Variants in PTPRN2 observed in about 807,000 individuals in gnomAD.
PTPRN2 encodes receptor-type tyrosine-protein phosphatase N2.
PTPRN2 carries 74 observed loss-of-function variants against 118.8 expected under a neutral mutation model. The observed-to-expected ratio is 0.62, with a 90% confidence interval of 0.52 to 0.76. The LOEUF (loss-of-function observed/expected upper bound fraction) is 0.76, where lower values mean the gene tolerates loss of function less well. PTPRN2 is among the 30% of genes least tolerant of loss of function. The pLI is 0.00. For missense variants in PTPRN2, 1,481 were observed against 1,394.4 expected, an observed-to-expected ratio of 1.06 and a Z score of -0.99; for synonymous variants, 641 against 608.0, an observed-to-expected ratio of 1.05 and a Z score of -0.80.
intron 1 of PTPRN2, among the ~76,000 whole-genome samples, chr7:158,558,019 CTG>C (rs1827157532): frequency 6.6e-6 from 1 of 152,210 alleles, no homozygotes; most frequent in East Asian, 1.9e-4. Context: ...GGGTCTCACT[CTG>C]TTGCCCAGGC....
At chr7:157,709,668 G>C (rs1317921673) in intron 12 of PTPRN2, among the ~76,000 whole-genome samples, 1 of 152,242 alleles carries the variant, frequency 6.6e-6, no homozygotes, top group Non-Finnish European at 1.5e-5. Flanking sequence ...AAGGAGCTTA[G>C]GGTTTAACAC....
At chr7:157,854,518 T>C in intron 12 of PTPRN2, 1 of 152,474 alleles carries the variant, frequency 6.6e-6, no homozygotes. Flanking sequence ...AATCCGGCTC[T>C]GTGCCTATGA....
At chr7:158,263,334 G>A (rs1563056443) in intron 3 of PTPRN2, among the ~76,000 whole-genome samples, 1 of 151,742 alleles carries the variant, frequency 6.6e-6, no homozygotes, top group African/African-American at 2.4e-5. Context: ...TGTACCTACT[G>A]CACATGTACA....
chr7:157,776,439 T>TCTTCCTCCCTCTCCTCCTCTCTCTCCA (rs1803265252), intron 12 of PTPRN2, among the ~76,000 whole-genome samples: 1 of 7,052 alleles, frequency 1.4e-4, no homozygotes, highest in Non-Finnish European at 3.7e-4. Flanking sequence ...CTGTCTCTCC[T>TCTTCCTCCCTCTCCTCCTCTCTCTCCA]CTTCCTCACT....
chr7:157,861,142 G>A lies in PTPRN2; in HGVS notation c.1788+37531C>T, dbSNP rs1027589706. On this transcript the variant is annotated intron_variant, in intron 12 of 22. Coordinates refer to ENST00000389418, the MANE Select transcript of PTPRN2 (RefSeq NM_002847.5). This position sits in a 1 kb window ranked among gnomAD's most constrained non-coding sequence, Gnocchi z 5.8. ...CGCTTTGGGATGTCGGCAGAGGCAC[G>A]CATGCCTCCAGGGATGTGCCAGCTC... Among the ~76,000 whole-genome samples the A allele has an allele frequency of 1.3e-5, 2 of 152,230 alleles. No homozygotes were observed. The highest frequency in any genetic ancestry group is 1.9e-4 in the East Asian group (1 of 5,186).
chr7:158,511,075 G>A (rs996053416), intron 1 of PTPRN2, among the ~76,000 whole-genome samples: 5 of 152,194 alleles, frequency 3.3e-5, no homozygotes, highest in African/African-American at 4.8e-5. Context: ...GAAAACAGTT[G>A]GTCAGGAGTT....
chr7:158,448,265 C>T, intron 2 of PTPRN2, among the ~76,000 whole-genome samples: 1 of 152,298 alleles, frequency 6.6e-6, no homozygotes, highest in East Asian at 1.9e-4. Flanking sequence ...GGATATAAAT[C>T]AGAACGGTAA....
At chr7:158,094,613 T>TG (rs1373297914) in intron 10 of PTPRN2, among the ~76,000 whole-genome samples, 1 of 152,216 alleles carries the variant, frequency 6.6e-6, no homozygotes, top group African/African-American at 2.4e-5. Flanking sequence ...GGCCCCCATC[T>TG]GTGCTTTCTA....
chr7:157,763,375 A>G lies in PTPRN2; in HGVS notation c.1789-80438T>C, dbSNP rs1196058435. ...CTCCAGCTCTCCAGAGGCCCAAGAC[A>G]GCCTGCCCCAGTCACTGTGGCCATG... On this transcript the variant is annotated intron_variant, in intron 12 of 22. Coordinates refer to ENST00000389418, the MANE Select transcript of PTPRN2 (RefSeq NM_002847.5). This position sits in a 1 kb window ranked among gnomAD's most constrained non-coding sequence, Gnocchi z 4.9. 6.6e-6 allele frequency among the ~76,000 whole-genome samples: 1 copy of G among 152,200 alleles called. No individual in the cohort carries two copies. Among genetic ancestry groups the G allele is most frequent in the East Asian group, 1.9e-4 (1 of 5,184 alleles).
intron 3 of PTPRN2, among the ~76,000 whole-genome samples, chr7:158,250,477 G>A (rs1273598861): frequency 6.6e-6 from 1 of 151,972 alleles, no homozygotes; most frequent in African/African-American, 2.4e-5. Context: ...CTCTCCATCT[G>A]CTCTTAACCC....
At chr7:158,488,528 T>C (rs10228592) in intron 2 of PTPRN2, among the ~76,000 whole-genome samples, 29,169 of 152,112 alleles carry the variant, frequency 0.19, 3,298 homozygotes, top group East Asian at 0.41. Flanking sequence ...TGGTCCCACC[T>C]CAGGGCGCAC....
At chr7:158,313,137 C>T (rs895824178) in intron 3 of PTPRN2, among the ~76,000 whole-genome samples, 3 of 152,116 alleles carry the variant, frequency 2.0e-5, no homozygotes, top group East Asian at 1.9e-4. Flanking sequence ...TGTGTCTACA[C>T]GTGAGCATGT....
Position 157,987,279 on chromosome 7 carries a change from C to T in PTPRN2, c.1724-88542G>A, listed in dbSNP as rs572662958. On this transcript the variant is annotated intron_variant, in intron 11 of 22. Transcript: ENST00000389418. The surrounding 1 kb of genome is among the most constrained non-coding windows in gnomAD (Gnocchi z 4.3). ...TGTGTGGAGCTTACTGGAACCTAAACGGGGGCAAGATGACCGGTCACTAAA... is the reference window on the plus strand; with the variant it reads ...TGTGTGGAGCTTACTGGAACCTAAATGGGGGCAAGATGACCGGTCACTAAA... 4.8e-4 allele frequency among the ~76,000 whole-genome samples: 71 copies of T among 149,124 alleles called. No homozygotes were observed. The highest frequency in any genetic ancestry group is 3.6e-3 in the Middle Eastern group (1 of 280).
At chr7:157,758,114 C>T (rs775460461) in intron 12 of PTPRN2, among the ~76,000 whole-genome samples, 7 of 152,332 alleles carry the variant, frequency 4.6e-5, no homozygotes, top group Middle Eastern at 6.8e-3. Flanking sequence ...GCGGGAGATG[C>T]GGTCGCGGGA....
chr7:157,696,936 T>A (rs76056943), intron 12 of PTPRN2, among the ~76,000 whole-genome samples: 2 of 42,588 alleles, frequency 4.7e-5, no homozygotes, highest in Admixed American at 2.4e-4. Flanking sequence ...CACCGTCTAC[T>A]CATGCATACT....
chr7:158,058,381 C>T (rs1301341008), intron 11 of PTPRN2, among the ~76,000 whole-genome samples: 4 of 143,444 alleles, frequency 2.8e-5, no homozygotes, highest in Non-Finnish European at 6.0e-5. Flanking sequence ...ACTGCAGCCA[C>T]ACTCCATCTG....
chr7:158,279,204 C>G (rs1346287801), intron 3 of PTPRN2, among the ~76,000 whole-genome samples: 2 of 152,190 alleles, frequency 1.3e-5, no homozygotes, highest in African/African-American at 4.8e-5. Context: ...GTTGATTGGT[C>G]CATTTTACAG....
At position 157,649,188 on chromosome 7, in the gene PTPRN2, G is replaced by T. The variant is rs373265030; in HGVS notation, c.2196+7169C>A. ...TGAACTCGGTGGGTCGGACCCATTC[G>T]CTGTGCACTGAACTCGGTGGGTCAG... On this transcript the variant is annotated intron_variant, in intron 14 of 22. Coordinates refer to ENST00000389418, the MANE Select transcript of PTPRN2 (RefSeq NM_002847.5). 9.5e-4 allele frequency among the ~76,000 whole-genome samples: 21 copies of T among 22,136 alleles called. No homozygotes were observed. In the South Asian group the frequency reaches 0.013, roughly 14 times the overall value. The allele number at this position is 22,136 out of a possible 152,430, so 14.5% of individuals were successfully genotyped here. A position where few individuals can be genotyped will look rare whatever the true frequency, so the allele number is the denominator to read the frequency against.
At chr7:158,355,094 G>C (rs929030594) in intron 2 of PTPRN2, among the ~76,000 whole-genome samples, 1 of 151,434 alleles carries the variant, frequency 6.6e-6, no homozygotes, top group African/African-American at 2.4e-5. Context: ...ATACAAAGAA[G>C]AGATAAATTC....
Sources: gnomAD v4.1 joint callset for allele counts (sites outside exome capture counted in the v4.1 genomes callset) on GRCh38, gnomAD v4.1.1 for gene constraint, Gnocchi (gnomAD v3.1) non-coding constraint, MANE v1.5 for transcripts, NCBI Gene and HGNC (gene_info 2026-07-23, HGNC 2026-07-21) for gene names.